The following LAMC3 variants were observed in gnomAD, a reference collection of about 807,000 sequenced individuals.
LAMC3 encodes laminin subunit gamma 3.
Under a neutral mutation model 173.8 loss-of-function variants are expected in LAMC3, and 128 were observed. The ratio of observed to expected loss-of-function variants is 0.74; its 90% CI spans 0.64 to 0.85. The LOEUF (loss-of-function observed/expected upper bound fraction) is 0.85. Among genes scored for constraint, LAMC3 ranks in the 40% least tolerant of loss-of-function variants. The pLI is 0.00. For synonymous variants in LAMC3, 897 were observed against 909.1 expected (o/e 0.99, Z 0.24); for missense variants, 2,022 against 2,156.0 (o/e 0.94, Z 1.23).
In LAMC3 at chr9:131,087,810, CAGGCTGGGTAAGGAGGCCCTA is replaced by C; in HGVS notation, c.4477+2_4477+22del. The C allele has an allele frequency of 6.2e-7, 1 of 1,613,960 alleles. No homozygotes were observed. Among genetic ancestry groups the C allele is most frequent in the South Asian group, 1.1e-5 (1 of 91,074 alleles). On this transcript the variant is annotated splice_donor_variant and splice_donor_5th_base_variant and coding_sequence_variant and intron_variant, in exon 27 of 28. Transcript: ENST00000361069. LOFTEE classifies it high-confidence loss of function. ...TCGAGACCTTGTCAGAGCTGCTTGC[CAGGCTGGGTAAGGAGGCCCTA>C]AGGCTGGGCCCTGAACCCCTGGGTC...
Position 131,026,256 on chromosome 9 carries a change from T to TA in LAMC3, c.374-25dup, listed in dbSNP as rs1833713097. 3.1e-6 allele frequency: 5 copies of TA among 1,613,570 alleles called. No homozygotes were observed. Among genetic ancestry groups the TA allele is most frequent in the South Asian group, 1.1e-5 (1 of 91,040 alleles). ...GATTCCATACCTCCTTCCCCTTCCATAAAATGGGCCCCGTTTTCCTGGCTG... is the reference window on the plus strand; with the variant it reads ...GATTCCATACCTCCTTCCCCTTCCATAAAAATGGGCCCCGTTTTCCTGGCTG... On this transcript the variant is annotated intron_variant, in intron 1 of 27. Transcript: ENST00000361069. This position sits in a 1 kb window ranked among gnomAD's most constrained non-coding sequence, Gnocchi z 4.8.
chr9:131,080,042 G>C (rs147547444), intron 23 of LAMC3, among the ~76,000 whole-genome samples: 1 of 152,108 alleles, frequency 6.6e-6, no homozygotes. Flanking sequence ...ACACAATCTC[G>C]GTTCACTGCA....
chr9:131,025,862 A>C (rs1481431188), intron 1 of LAMC3, among the ~76,000 whole-genome samples: 1 of 152,210 alleles, frequency 6.6e-6, no homozygotes, highest in East Asian at 1.9e-4. Flanking sequence ...ATATGTGGTC[A>C]TTGCAAGGGA....
intron 9 of LAMC3, 68 bp downstream of exon 9, chr9:131,049,198 G>A (rs1188698183): frequency 9.0e-6 from 8 of 891,184 alleles, no homozygotes; most frequent in South Asian, 4.2e-5. Context: ...ACAACTTGCC[G>A]CATATTAGAG....
intron 20 of LAMC3, 131 bp downstream of exon 20, chr9:131,073,452 T>C (rs1047443607): frequency 2.6e-5 from 19 of 739,386 alleles, no homozygotes; most frequent in African/African-American, 2.1e-4. Context: ...ATGGAGGCAG[T>C]GTCACCAGCA....
chr9:131,061,001 G>A (rs1366072236), intron 12 of LAMC3, 34 bp from the exon 13 acceptor site: 4 of 1,609,970 alleles, frequency 2.5e-6, no homozygotes, highest in South Asian at 1.1e-5. Context: ...TGGGCATTCT[G>A]GGTTCAGACA....
At position 131,075,827 on chromosome 9, in the gene LAMC3, A is replaced by G; in HGVS notation, c.3495-4A>G. 3 of 1,609,416 alleles carry G rather than the reference A, an allele frequency of 1.9e-6. No individual in the cohort carries two copies. The highest frequency in any genetic ancestry group is 2.5e-6 in the Non-Finnish European group (3 of 1,178,544). On this transcript the variant is annotated splice_region_variant and splice_polypyrimidine_tract_variant and intron_variant, in intron 20 of 27. Transcript: ENST00000361069. ...GTAATGCTCAGGTGGGTGTCCTCAC[A>G]CAGCCACAGAGACACCGCCACCAAG...
In LAMC3 at chr9:131,093,210, C is replaced by T. The variant is rs1202723781; in HGVS notation, c.*1423C>T. Reference sequence around the variant, plus strand: ...CGAGCTCGTGGCTGGGCCAGTACCTCCCATTAGAGGGCTTTGCTGGGGTTG... The same window carrying T: ...CGAGCTCGTGGCTGGGCCAGTACCTTCCATTAGAGGGCTTTGCTGGGGTTG... On this transcript the variant is annotated 3_prime_UTR_variant, in exon 28 of 28. Coordinates refer to ENST00000361069, the MANE Select transcript of LAMC3 (RefSeq NM_006059.4). The T allele has an allele frequency of 6.6e-6, 1 of 152,386 alleles. No homozygotes were observed. The highest frequency in any genetic ancestry group is 1.9e-4 in the East Asian group (1 of 5,182). The allele number at this position is 152,386 out of a possible 1,614,324, so 9.4% of individuals were successfully genotyped here.
At chr9:131,086,575 C>CTTTTTTTTTTTTTTT (rs778812487) in intron 25 of LAMC3, among the ~76,000 whole-genome samples, 1,877 of 92,310 alleles carry the variant, frequency 0.02, 303 homozygotes, top group African/African-American at 0.036. Context: ...GCCTGGCTAA[C>CTTTTTTTTTTTTTTT]TTTTTTTTTT....
At chr9:131,047,647 GA>G (rs1834195999) in intron 8 of LAMC3, among the ~76,000 whole-genome samples, 1 of 151,442 alleles carries the variant, frequency 6.6e-6, no homozygotes, top group Non-Finnish European at 1.5e-5. Flanking sequence ...CGGATCACCT[GA>G]GGTCAAGAGT....
chr9:131,014,082 A>C (rs941384552), intron 1 of LAMC3, among the ~76,000 whole-genome samples: 1 of 152,216 alleles, frequency 6.6e-6, no homozygotes, highest in Non-Finnish European at 1.5e-5. Flanking sequence ...CCCTGGGCCC[A>C]GCTGGCCTTG....
chr9:131,023,183 G>A (rs1833658213), intron 1 of LAMC3, among the ~76,000 whole-genome samples: 1 of 152,156 alleles, frequency 6.6e-6, no homozygotes, highest in Admixed American at 6.5e-5. Flanking sequence ...CAGTTGCTGG[G>A]CATTGGAGTT....
intron 9 of LAMC3, among the ~76,000 whole-genome samples, chr9:131,049,957 C>T (rs571986673): frequency 7.2e-4 from 110 of 152,366 alleles, no homozygotes; most frequent in Non-Finnish European, 1.3e-3. Context: ...CCAGCACCCC[C>T]GACCAGCTCT....
At chr9:131,045,449 G>C in intron 7 of LAMC3, 75 bp from the exon 8 acceptor site, 1 of 1,561,410 alleles carries the variant, frequency 6.4e-7, no homozygotes. Context: ...CATTGGTCCA[G>C]CTGGGATACC....
intron 2 of LAMC3, among the ~76,000 whole-genome samples, chr9:131,031,709 G>A (rs891431380): frequency 6.6e-6 from 1 of 152,256 alleles, no homozygotes. Flanking sequence ...TCCTGACCAC[G>A]GGCCCGACCT....
At chr9:131,013,608 G>A (rs1412135083) in intron 1 of LAMC3, among the ~76,000 whole-genome samples, 1 of 152,212 alleles carries the variant, frequency 6.6e-6, no homozygotes, top group African/African-American at 2.4e-5. Flanking sequence ...ACTGAGCAGT[G>A]CTGAGAACGA....
At chr9:131,078,152 C>T (rs951493402) in intron 22 of LAMC3, among the ~76,000 whole-genome samples, 2 of 152,262 alleles carry the variant, frequency 1.3e-5, no homozygotes, top group Non-Finnish European at 1.5e-5. Flanking sequence ...TCCATCGTGT[C>T]GATTCAGTAA....
chr9:131,031,276 G>A (rs1443740116), intron 2 of LAMC3, among the ~76,000 whole-genome samples: 1 of 152,246 alleles, frequency 6.6e-6, no homozygotes, highest in Non-Finnish European at 1.5e-5. Context: ...ACAGCAGGCA[G>A]GTGAAAATGT....
At chr9:131,044,856 C>T (rs1325878477) in intron 7 of LAMC3, among the ~76,000 whole-genome samples, 1 of 152,152 alleles carries the variant, frequency 6.6e-6, no homozygotes, top group East Asian at 1.9e-4. Context: ...ACAAGGATAC[C>T]ACTAAATGCA....
Sources: allele counts gnomAD v4.1 joint callset (sites outside exome capture counted in the v4.1 genomes callset), GRCh38; gene constraint gnomAD v4.1.1; non-coding constraint Gnocchi (gnomAD v3.1); transcripts MANE v1.5; gene names NCBI Gene and HGNC (gene_info 2026-07-23, HGNC 2026-07-21).